Variants in DCLK2 observed in about 807,000 individuals in gnomAD.
DCLK2 encodes the protein serine/threonine-protein kinase DCLK2.
In DCLK2, 31 loss-of-function variants were observed where a neutral mutation model predicts 78.4. That is an observed-to-expected ratio of 0.40 (90% CI 0.30 to 0.53). The LOEUF (loss-of-function observed/expected upper bound fraction) is 0.53, where lower values mean the gene tolerates loss of function less well. Ranked by LOEUF, DCLK2 falls within the 20% of genes least tolerant of loss-of-function variation. The probability of loss-of-function intolerance (pLI) is 0.61; values close to 1 mark genes in which losing one functional copy is unlikely to be tolerated. For missense variants in DCLK2, 872 were observed against 973.7 expected, an observed-to-expected ratio of 0.90 and a Z score of 1.39; for synonymous variants, 407 against 374.9, an observed-to-expected ratio of 1.09 and a Z score of -0.99.
chr4:150,247,525 C>T lies in DCLK2; in HGVS notation c.1779-78C>T, dbSNP rs867332633. On this transcript the variant is annotated intron_variant, in intron 12 of 15. Transcript: ENST00000296550. ...AAGCCAGAGACTGGACTCCTTTCCC[C>T]GCTCTTCCTGTGGACATTTTGTTGA... 53 of 1,276,346 alleles carry T rather than the reference C, an allele frequency of 4.2e-5. 2 individuals carry two copies. Among genetic ancestry groups the T allele is most frequent in the African/African-American group, 3.5e-4 (24 of 68,400 alleles). The allele number at this position is 1,276,346 out of a possible 1,614,324, so 79.1% of individuals were successfully genotyped here. A position where few individuals can be genotyped will look rare whatever the true frequency, so the allele number is the denominator to read the frequency against.
chr4:150,080,739 C>T (rs1729199088), intron 1 of DCLK2, among the ~76,000 whole-genome samples: 1 of 152,228 alleles, frequency 6.6e-6, no homozygotes. Context: ...CTCTGCTGAG[C>T]TAATGGAGCC....
At chr4:150,094,235 C>A (rs1450160912) in intron 1 of DCLK2, among the ~76,000 whole-genome samples, 2 of 152,018 alleles carry the variant, frequency 1.3e-5, no homozygotes, top group African/African-American at 4.8e-5. Context: ...TTCTACACAG[C>A]AAAAGAAACA....
At chr4:150,200,669 T>C (rs553735846) in intron 4 of DCLK2, among the ~76,000 whole-genome samples, 1 of 152,208 alleles carries the variant, frequency 6.6e-6, no homozygotes, top group Non-Finnish European at 1.5e-5. Context: ...AGCTGGTAAC[T>C]TTATGAACAT....
intron 1 of DCLK2, among the ~76,000 whole-genome samples, chr4:150,090,600 A>G (rs546222477): frequency 7.1e-6 from 1 of 141,174 alleles, no homozygotes; most frequent in South Asian, 2.3e-4. Flanking sequence ...TCAGTGGGTA[A>G]GCTACAAAGC....
chr4:150,145,464 T>G (rs1734404060), intron 2 of DCLK2, among the ~76,000 whole-genome samples: 1 of 152,244 alleles, frequency 6.6e-6, no homozygotes, highest in African/African-American at 2.4e-5. Context: ...AAACTGTTAC[T>G]ACTTGAACAC....
At chr4:150,190,291 A>C (rs1308919543) in intron 2 of DCLK2, among the ~76,000 whole-genome samples, 1 of 140,946 alleles carries the variant, frequency 7.1e-6, no homozygotes, top group Non-Finnish European at 1.5e-5. Context: ...AGATAGATAG[A>C]TAGATAGGCA....
At chr4:150,129,805 T>G (rs2150195253) in intron 2 of DCLK2, among the ~76,000 whole-genome samples, 1 of 151,932 alleles carries the variant, frequency 6.6e-6, no homozygotes, top group East Asian at 1.9e-4. Flanking sequence ...CCATACTTTA[T>G]TTTTTAAAAT....
chr4:150,108,174 A>G lies in DCLK2; in HGVS notation c.756+5362A>G, dbSNP rs185097235. Among the ~76,000 whole-genome samples, 636 of 152,252 alleles carry G rather than the reference A, an allele frequency of 4.2e-3. 4 individuals carry two copies. The highest frequency in any genetic ancestry group is 0.014 in the African/African-American group (599 of 41,552). ...TAAAGTAATTTTATTTTAACTTGTA[A>G]TTAATTTTGATTAAATGCTTCACTT... On this transcript the variant is annotated intron_variant, in intron 2 of 15. Coordinates refer to ENST00000296550, the MANE Select transcript of DCLK2 (RefSeq NM_001040260.4).
intron 12 of DCLK2, among the ~76,000 whole-genome samples, chr4:150,245,712 A>G (rs1047718230): frequency 6.6e-6 from 1 of 152,024 alleles, no homozygotes; most frequent in East Asian, 1.9e-4. Flanking sequence ...CTTTTTTATG[A>G]CTGCATAGTA....
intron 1 of DCLK2, among the ~76,000 whole-genome samples, chr4:150,080,042 C>T (rs1346382808): frequency 3.3e-5 from 5 of 152,090 alleles, no homozygotes; most frequent in Admixed American, 3.3e-4. Flanking sequence ...CCCTGATCCC[C>T]CAACCCCCAG....
chr4:150,250,624 G>GT (rs1743707093), intron 15 of DCLK2, among the ~76,000 whole-genome samples: 2 of 151,708 alleles, frequency 1.3e-5, no homozygotes, highest in Non-Finnish European at 2.9e-5. Flanking sequence ...TCACATCTGG[G>GT]CCCCCCGTGA....
intron 2 of DCLK2, among the ~76,000 whole-genome samples, chr4:150,167,202 A>T (rs1420864076): frequency 6.6e-6 from 1 of 152,202 alleles, no homozygotes; most frequent in Non-Finnish European, 1.5e-5. Context: ...GGAGAGAGAA[A>T]AGCCATCTCG....
intron 2 of DCLK2, among the ~76,000 whole-genome samples, chr4:150,166,401 G>C (rs1264387284): frequency 6.6e-6 from 1 of 152,048 alleles, no homozygotes; most frequent in Non-Finnish European, 1.5e-5. Flanking sequence ...GGCTGAGTTA[G>C]GAGGATCACT....
At chr4:150,254,129 C>G (rs1372100428) in intron 15 of DCLK2, among the ~76,000 whole-genome samples, 1 of 152,202 alleles carries the variant, frequency 6.6e-6, no homozygotes, top group Non-Finnish European at 1.5e-5. Context: ...GCCCCAGTTG[C>G]AGAGACCAGG....
At chr4:150,164,628 A>G (rs577010121) in intron 2 of DCLK2, among the ~76,000 whole-genome samples, 5 of 152,208 alleles carry the variant, frequency 3.3e-5, no homozygotes, top group East Asian at 1.9e-4. Context: ...ATGAAACCCC[A>G]TCTCTACTAA....
At chr4:150,145,064 C>T (rs1196075605) in intron 2 of DCLK2, among the ~76,000 whole-genome samples, 1 of 151,994 alleles carries the variant, frequency 6.6e-6, no homozygotes, top group Non-Finnish European at 1.5e-5. Context: ...TTGTTTTCTC[C>T]CTGTAGAGAT....
intron 4 of DCLK2, among the ~76,000 whole-genome samples, chr4:150,201,750 A>G (rs890939552): frequency 6.6e-6 from 1 of 152,094 alleles, no homozygotes; most frequent in African/African-American, 2.4e-5. Flanking sequence ...AACAGTGCTT[A>G]CTGATTAGGA....
chr4:150,079,076 A>C lies in DCLK2; in HGVS notation c.49A>C (p.Lys17Gln). 6.4e-7 allele frequency: 1 copy of C among 1,564,132 alleles called. No individual in the cohort carries two copies. The highest frequency in any genetic ancestry group is 8.6e-7 in the Non-Finnish European group (1 of 1,158,396). The change falls in exon 1 of 16, where the codon AAA becomes CAA. Residue 17 changes from lysine to glutamine, a missense_variant. Physicochemically the swap from Lys to Gln is moderately conservative, Grantham distance 53. Around this residue, in one of 3 missense-constraint regions of DCLK2, gnomAD observed 567 missense variants for 593.4 expected, o/e 0.96. Coordinates refer to ENST00000296550, the MANE Select transcript of DCLK2 (RefSeq NM_001040260.4). ...IELEHFEERDKRPRPGSRRGA... is the reference protein window; with the variant it reads ...IELEHFEERDQRPRPGSRRGA... ...GCTGGAGCACTTTGAGGAACGGGAC[A>C]AAAGGCCGCGGCCGGGGTCGCGGAG... is the stretch of plus-strand genomic sequence containing the variant.
At position 150,079,233 on chromosome 4, in the gene DCLK2, A is replaced by G. The variant is rs770509809; in HGVS notation, c.206A>G (p.Lys69Arg). 6.2e-6 allele frequency: 10 copies of G among 1,609,222 alleles called. No homozygotes were observed. The African/African-American group carries it at 1.1e-4, about 17-fold the overall frequency. ...TRTLQALSSE[K>R]KAKKARFYRN... ...ACCCTGCAGGCCCTCAGCTCGGAGA[A>G]GAAGGCCAAGAAGGCGCGCTTCTAC... Residue 69 changes from lysine (K) to arginine (R), a missense_variant, in exon 1 of 16, where the codon AAG (lysine) becomes AGG (arginine). By Grantham distance (26) the Lys-to-Arg change is conservative. Around this residue, in one of 3 missense-constraint regions of DCLK2, gnomAD observed 567 missense variants for 593.4 expected, o/e 0.96. Transcript: ENST00000296550.
Sources: gnomAD v4.1 joint callset for allele counts (sites outside exome capture counted in the v4.1 genomes callset) on GRCh38, gnomAD v4.1.1 for gene constraint, gnomAD v4.1.1 regional missense constraint, MANE v1.5 for transcripts, NCBI Gene and HGNC (gene_info 2026-07-23, HGNC 2026-07-21) for gene names.